The following CAMK2D variants were observed in gnomAD, a reference collection of about 807,000 sequenced individuals.
The protein encoded by CAMK2D is calcium/calmodulin dependent protein kinase II delta, also known as calcium/calmodulin-dependent protein kinase type II subunit delta.
In CAMK2D, 37 loss-of-function variants were observed where a neutral mutation model predicts 84.0. That is an observed-to-expected ratio of 0.44 (90% CI 0.34 to 0.58). The LOEUF is 0.58. CAMK2D is among the 20% of genes least tolerant of loss of function. CAMK2D has a pLI of 0.02. For synonymous variants in CAMK2D, 202 were observed against 212.5 expected (o/e 0.95, Z 0.43); for missense variants, 448 against 652.5 (o/e 0.69, Z 3.41).
chr4:113,502,925 T>C lies in CAMK2D; in HGVS notation c.1086+11A>G, dbSNP rs776021702. The C allele has an allele frequency of 2.5e-6, 4 of 1,584,792 alleles. No individual in the cohort carries two copies. In the South Asian group the frequency reaches 3.3e-5, roughly 13 times the overall value. ...TGTTAAAGCAAGATGATGTTGATTC[T>C]TTCTGAATACCTTGTTTCCATCAGG... On this transcript the variant is annotated intron_variant, in intron 15 of 20. Coordinates refer to ENST00000511664, the MANE Select transcript of CAMK2D (RefSeq NM_001321571.2).
In CAMK2D at chr4:113,712,687, G is replaced by A. The variant is rs116308324; in HGVS notation, c.160+46633C>T. ...TTTTTTAATTTAAATTCTAGTGAAA[G>A]TTTTATCACGTAAAAAATATATAAC... On this transcript the variant is annotated intron_variant, in intron 2 of 20. Transcript: ENST00000511664. Among the ~76,000 whole-genome samples, 1,172 of 151,730 alleles carry A rather than the reference G, an allele frequency of 7.7e-3. 20 individuals are homozygous for A. The highest frequency in any genetic ancestry group is 0.026 in the African/African-American group (1,096 of 41,392).
chr4:113,688,927 A>G (rs2099370358), intron 2 of CAMK2D, among the ~76,000 whole-genome samples: 1 of 150,022 alleles, frequency 6.7e-6, no homozygotes, highest in African/African-American at 2.5e-5. Context: ...AAAAAAAAAA[A>G]AAAAAAGGAA....
At chr4:113,685,382 G>A (rs570345231) in intron 2 of CAMK2D, among the ~76,000 whole-genome samples, 169 of 152,086 alleles carry the variant, frequency 1.1e-3, no homozygotes, top group Non-Finnish European at 1.9e-3. Context: ...TGGAACTATA[G>A]GCGTGCGCCA....
At chr4:113,562,160 A>G (rs1280784833) in intron 4 of CAMK2D, among the ~76,000 whole-genome samples, 1 of 152,232 alleles carries the variant, frequency 6.6e-6, no homozygotes, top group Non-Finnish European at 1.5e-5. Flanking sequence ...CTGAATAGCC[A>G]TATTTCTAAA....
intron 6 of CAMK2D, among the ~76,000 whole-genome samples, chr4:113,542,860 ATC>A (rs778171616): frequency 1.5e-4 from 23 of 151,980 alleles, no homozygotes; most frequent in Admixed American, 6.6e-4. Flanking sequence ...CTTCATTAAA[ATC>A]TCTCTCTTTC....
intron 5 of CAMK2D, among the ~76,000 whole-genome samples, chr4:113,548,288 A>G (rs979698505): frequency 6.6e-6 from 1 of 152,230 alleles, no homozygotes; most frequent in Non-Finnish European, 1.5e-5. Flanking sequence ...ACAGCAACCC[A>G]TGGTCTCAGA....
intron 4 of CAMK2D, among the ~76,000 whole-genome samples, chr4:113,600,287 C>A (rs1004307168): frequency 1.3e-5 from 2 of 152,002 alleles, no homozygotes; most frequent in Admixed American, 1.3e-4. Flanking sequence ...ATTATGGACT[C>A]TAGGTGATAA....
At chr4:113,530,632 G>C (rs75746522) in intron 8 of CAMK2D, among the ~76,000 whole-genome samples, 9,336 of 152,202 alleles carry the variant, frequency 0.061, 595 homozygotes, top group East Asian at 0.21. Context: ...TGGGATTAAT[G>C]CTCTTATAAA....
intron 16 of CAMK2D, among the ~76,000 whole-genome samples, chr4:113,475,801 A>G (rs1210683689): frequency 6.6e-6 from 1 of 152,240 alleles, no homozygotes. Context: ...TATCTTCAGC[A>G]GCTGCAAAAA....
At chr4:113,658,608 A>G (rs1284260722) in intron 3 of CAMK2D, among the ~76,000 whole-genome samples, 1 of 152,054 alleles carries the variant, frequency 6.6e-6, no homozygotes, top group African/African-American at 2.4e-5. Flanking sequence ...CTAATATCCA[A>G]TGCTTTGTTT....
At chr4:113,532,173 T>C (rs1236007794) in intron 7 of CAMK2D, among the ~76,000 whole-genome samples, 1 of 152,164 alleles carries the variant, frequency 6.6e-6, no homozygotes, top group Non-Finnish European at 1.5e-5. Flanking sequence ...TTTATACTTA[T>C]TAAGTACAAA....
chr4:113,725,578 C>T (rs966397055), intron 2 of CAMK2D, among the ~76,000 whole-genome samples: 4 of 152,174 alleles, frequency 2.6e-5, no homozygotes, highest in South Asian at 4.2e-4. Context: ...CTAGTTGATG[C>T]TAATAGGTTT....
At chr4:113,682,698 A>G (rs2099349239) in intron 2 of CAMK2D, among the ~76,000 whole-genome samples, 1 of 152,202 alleles carries the variant, frequency 6.6e-6, no homozygotes, top group South Asian at 2.1e-4. Flanking sequence ...ATAATTTGAT[A>G]TTTATCTTAT....
chr4:113,721,138 C>G (rs1415908816), intron 2 of CAMK2D, among the ~76,000 whole-genome samples: 1 of 152,110 alleles, frequency 6.6e-6, no homozygotes, highest in Non-Finnish European at 1.5e-5. Flanking sequence ...AACCTAGGCT[C>G]TGCACCTAAG....
chr4:113,483,373 T>G (rs985297677), intron 16 of CAMK2D, among the ~76,000 whole-genome samples: 10 of 152,208 alleles, frequency 6.6e-5, no homozygotes, highest in African/African-American at 2.4e-4. Context: ...CATTCTGTGT[T>G]TGTTCACATA....
chr4:113,493,953 C>T (rs1210497461), intron 16 of CAMK2D, among the ~76,000 whole-genome samples: 1 of 152,192 alleles, frequency 6.6e-6, no homozygotes, highest in Non-Finnish European at 1.5e-5. Flanking sequence ...GAGGCTTCTG[C>T]ATTCTTCACG....
At chr4:113,622,545 G>A (rs1384020060) in intron 3 of CAMK2D, among the ~76,000 whole-genome samples, 2 of 152,120 alleles carry the variant, frequency 1.3e-5, no homozygotes, top group African/African-American at 2.4e-5. Context: ...CAGAAGTATC[G>A]CTTGAGCCCA....
At chr4:113,467,522 G>A (rs1284985226) in intron 16 of CAMK2D, among the ~76,000 whole-genome samples, 1 of 152,014 alleles carries the variant, frequency 6.6e-6, no homozygotes, top group Non-Finnish European at 1.5e-5. Context: ...ACAATGTCAA[G>A]GTCTATAATA....
chr4:113,569,764 C>T (rs2098743542), intron 4 of CAMK2D, among the ~76,000 whole-genome samples: 1 of 152,006 alleles, frequency 6.6e-6, no homozygotes, highest in African/African-American at 2.4e-5. Context: ...ATTAAATTGG[C>T]TTTTATGTTG....
Sources: allele counts gnomAD v4.1 joint callset (sites outside exome capture counted in the v4.1 genomes callset), GRCh38; gene constraint gnomAD v4.1.1; transcripts MANE v1.5; gene names NCBI Gene and HGNC (gene_info 2026-07-23, HGNC 2026-07-21).